The following CANX variants were observed in gnomAD, a reference collection of about 807,000 sequenced individuals.
CANX encodes epididymis secretory sperm binding protein.
Under a neutral mutation model 75.7 loss-of-function variants are expected in CANX, and 14 were observed. The observed-to-expected ratio is 0.19, with a 90% confidence interval of 0.12 to 0.29. CANX has a LOEUF of 0.29. Ranked by LOEUF, CANX falls within the 10% of genes least tolerant of loss-of-function variation. CANX has a pLI of 1.00. For missense variants in CANX, 567 were observed against 713.2 expected (o/e 0.79, Z 2.34); for synonymous variants, 227 against 236.9 (o/e 0.96, Z 0.38).
At chr5:179,723,856 C>T in intron 12 of CANX, 77 bp downstream of exon 12, 11 of 1,348,014 alleles carry the variant, frequency 8.2e-6, no homozygotes, top group Non-Finnish European at 1.1e-5. Context: ...AGATATGTTG[C>T]CTGAGGTTTT....
chr5:179,712,079 C>A (rs1240290676), intron 7 of CANX, among the ~76,000 whole-genome samples: 1 of 146,520 alleles, frequency 6.8e-6, no homozygotes, highest in African/African-American at 2.5e-5. Context: ...GCCTGGGCAA[C>A]ACAGTGAGAC....
intron 1 of CANX, among the ~76,000 whole-genome samples, chr5:179,683,658 C>A (rs144058489): frequency 0.038 from 5,827 of 151,926 alleles, 380 homozygotes; most frequent in African/African-American, 0.13. Flanking sequence ...CTCAGCCTCC[C>A]AAGTAGCTGG....
chr5:179,711,868 C>G (rs140536089), intron 7 of CANX, among the ~76,000 whole-genome samples: 1 of 147,942 alleles, frequency 6.8e-6, no homozygotes, highest in African/African-American at 2.5e-5. Flanking sequence ...GAGGCTGAGG[C>G]GAGCAGATCA....
intron 1 of CANX, 135 bp downstream of exon 1, chr5:179,699,237 C>A: frequency 2.3e-6 from 1 of 439,726 alleles, no homozygotes; most frequent in Non-Finnish European, 3.0e-6. Flanking sequence ...AGGCCCTGGC[C>A]GACGCGCCCG....
At chr5:179,706,431 A>G in intron 3 of CANX, 100 bp downstream of exon 3, 1 of 587,562 alleles carries the variant, frequency 1.7e-6, no homozygotes, top group East Asian at 3.0e-5. Flanking sequence ...TGAAATGTCT[A>G]ACTTTATTTT....
intron 1 of CANX, chr5:179,681,113 A>G (rs1314112517): frequency 3.4e-6 from 2 of 579,886 alleles, no homozygotes; most frequent in East Asian, 2.9e-5. Flanking sequence ...CCCCAGGACA[A>G]GAAGGGGTGC....
At chr5:179,718,954 C>T (rs557392542) in intron 8 of CANX, among the ~76,000 whole-genome samples, 10 of 151,152 alleles carry the variant, frequency 6.6e-5, no homozygotes, top group Admixed American at 4.0e-4. Context: ...TGTGAGCCAC[C>T]GCACCTGGCC....
chr5:179,698,111 T>C (rs1013460294), upstream of CANX, among the ~76,000 whole-genome samples: 5 of 152,128 alleles, frequency 3.3e-5, no homozygotes, highest in African/African-American at 1.2e-4. Flanking sequence ...AGAAAAACCC[T>C]GGGCCACTTC....
chr5:179,701,633 C>A (rs1437712580), intron 1 of CANX, among the ~76,000 whole-genome samples: 1 of 150,804 alleles, frequency 6.6e-6, no homozygotes, highest in Non-Finnish European at 1.5e-5. Flanking sequence ...ATAATAACTC[C>A]TAGGAAATAA....
chr5:179,726,567 C>T (rs555039458), intron 13 of CANX, 113 bp from the exon 14 acceptor site: 4 of 674,452 alleles, frequency 5.9e-6, no homozygotes, highest in East Asian at 5.6e-5. Flanking sequence ...CAGAGCAAGA[C>T]TCTGTCTCCA....
At chr5:179,702,351 A>G (rs1776829359) in intron 1 of CANX, among the ~76,000 whole-genome samples, 1 of 151,890 alleles carries the variant, frequency 6.6e-6, no homozygotes, top group African/African-American at 2.4e-5. Context: ...GATGCCAACC[A>G]GGAGACCAGA....
At chr5:179,697,883 G>A (rs1005154886), upstream of CANX, among the ~76,000 whole-genome samples, 79 of 152,074 alleles carry the variant, frequency 5.2e-4, no homozygotes, top group East Asian at 7.7e-4. Flanking sequence ...GCAAGACTTC[G>A]TCTCAAAAAA....
chr5:179,681,105 C>G, intron 1 of CANX: 1 of 583,446 alleles, frequency 1.7e-6, no homozygotes, highest in East Asian at 2.9e-5. Context: ...CCAGGCCACC[C>G]CAGGACAAGA....
chr5:179,685,717 GC>G (rs1776179773), intron 1 of CANX, among the ~76,000 whole-genome samples: 1 of 130,978 alleles, frequency 7.6e-6, no homozygotes, highest in African/African-American at 2.5e-5. Flanking sequence ...ACCACGCCCA[GC>G]TAATTTTTGT....
At chr5:179,725,505 C>T (rs1004684580) in intron 13 of CANX, among the ~76,000 whole-genome samples, 1 of 150,952 alleles carries the variant, frequency 6.6e-6, no homozygotes, top group Non-Finnish European at 1.5e-5. Context: ...CATGGTGAAA[C>T]CCCATCTCTA....
rs1441616742 is a variant in CANX at position 179,686,667 on chromosome 5, T to A, written c.-4+7890T>A. On this transcript the variant is annotated intron_variant, in intron 1 of 14. Coordinates refer to the CANX transcript ENST00000681674. ...TTAGTGGAGATGGGCTTTTGCCATGTTGCAAAACTCCTGGGCTTGAACTCC... is the reference window on the plus strand; with the variant it reads ...TTAGTGGAGATGGGCTTTTGCCATGATGCAAAACTCCTGGGCTTGAACTCC... Among the ~76,000 whole-genome samples, 3 of 151,886 alleles carry A rather than the reference T, an allele frequency of 2.0e-5. No homozygotes were observed. In the East Asian group the frequency reaches 5.8e-4, roughly 29 times the overall value.
intron 1 of CANX, among the ~76,000 whole-genome samples, chr5:179,701,690 T>C (rs1234645114): frequency 6.7e-6 from 1 of 148,762 alleles, no homozygotes; most frequent in East Asian, 2.0e-4. Flanking sequence ...TGGTAAAACT[T>C]TTCAGGAAAG....
chr5:179,686,100 G>GTTTTTTTTTTT (rs1562434745), intron 1 of CANX, among the ~76,000 whole-genome samples: 31 of 101,130 alleles, frequency 3.1e-4, no homozygotes, highest in South Asian at 8.7e-4. Context: ...GGTTGTTCAA[G>GTTTTTTTTTTT]TCTTTTTTTT....
At chr5:179,701,032 TTG>T (rs1382098303) in intron 1 of CANX, 2 of 152,002 alleles carry the variant, frequency 1.3e-5, no homozygotes, top group East Asian at 3.9e-4. Context: ...CCGGCTAATT[TTG>T]TTTTTGTATT....
Sources: allele counts gnomAD v4.1 joint callset (sites outside exome capture counted in the v4.1 genomes callset), GRCh38; gene constraint gnomAD v4.1.1; transcripts MANE v1.5; gene names NCBI Gene and HGNC (gene_info 2026-07-23, HGNC 2026-07-21).